The following BFSP1 variants were observed in gnomAD, a reference collection of about 807,000 sequenced individuals.
BFSP1 encodes beaded filament structural protein 1, also known as filensin.
In BFSP1, 38 loss-of-function variants were observed where a neutral mutation model predicts 43.9. That is an observed-to-expected ratio of 0.87 (90% CI 0.67 to 1.14). The LOEUF (loss-of-function observed/expected upper bound fraction) is 1.14, where lower values mean the gene tolerates loss of function less well. BFSP1 is among the 50% of genes most tolerant of loss of function. BFSP1 has a pLI of 0.00. For missense variants in BFSP1, 850 were observed against 875.1 expected (o/e 0.97, Z 0.36); for synonymous variants, 352 against 354.8 (o/e 0.99, Z 0.09).
rs542678591 is a variant in BFSP1 at position 17,545,922 on chromosome 20, G to A, written c.2+12766C>T. On this transcript the variant is annotated intron_variant, in intron 1 of 7. Transcript: ENST00000377868. ...GAAAAACTTGAAACAAAAATGGTGT[G>A]TTCCTCCTCTTGCTTTCTGAAAATG... 2.0e-5 allele frequency among the ~76,000 whole-genome samples: 3 copies of A among 152,326 alleles called. No homozygotes were observed. The South Asian group carries it at 6.2e-4, about 32-fold the overall frequency.
chr20:17,545,511 C>A (rs2034785172), intron 1 of BFSP1, among the ~76,000 whole-genome samples: 1 of 152,244 alleles, frequency 6.6e-6, no homozygotes, highest in South Asian at 2.1e-4. Context: ...GTAATCCCAA[C>A]ACTTTGAAAG....
At chr20:17,547,637 G>C (rs2034825014) in intron 1 of BFSP1, among the ~76,000 whole-genome samples, 1 of 152,108 alleles carries the variant, frequency 6.6e-6, no homozygotes, top group South Asian at 2.1e-4. Flanking sequence ...ATGGCATTTG[G>C]AATCTAAGTG....
At chr20:17,495,468 A>G (rs1342741152) in intron 7 of BFSP1, among the ~76,000 whole-genome samples, 1 of 152,166 alleles carries the variant, frequency 6.6e-6, no homozygotes, top group Admixed American at 6.5e-5. Flanking sequence ...ACTTCCTCAA[A>G]GGAGAGACGA....
intron 1 of BFSP1, among the ~76,000 whole-genome samples, chr20:17,541,436 A>G (rs1019597463): frequency 3.9e-5 from 6 of 152,108 alleles, no homozygotes; most frequent in African/African-American, 1.4e-4. Context: ...CAAAATTGAA[A>G]TTTACTTTGC....
At chr20:17,500,191 G>A (rs1186070134) in intron 5 of BFSP1, among the ~76,000 whole-genome samples, 1 of 152,186 alleles carries the variant, frequency 6.6e-6, no homozygotes, top group Non-Finnish European at 1.5e-5. Flanking sequence ...GTGTGCCCTT[G>A]TGTACACATA....
At chr20:17,506,292 C>A (rs899559759) in intron 5 of BFSP1, among the ~76,000 whole-genome samples, 3 of 151,868 alleles carry the variant, frequency 2.0e-5, no homozygotes, top group African/African-American at 7.3e-5. Context: ...TTCTTTCTAC[C>A]TTTTGAGACC....
At chr20:17,540,046 G>A (rs971254331) in intron 1 of BFSP1, among the ~76,000 whole-genome samples, 2 of 152,026 alleles carry the variant, frequency 1.3e-5, no homozygotes, top group Admixed American at 6.5e-5. Context: ...GCCCCTCAAC[G>A]GCCCCTCAGA....
chr20:17,532,907 A>G (rs1273586461), upstream of BFSP1, among the ~76,000 whole-genome samples: 2 of 152,162 alleles, frequency 1.3e-5, no homozygotes, highest in Non-Finnish European at 2.9e-5. Flanking sequence ...GTTATCAAAG[A>G]TAGAGAAAGA....
chr20:17,499,390 C>T (rs1017379077), intron 5 of BFSP1, among the ~76,000 whole-genome samples: 2 of 150,008 alleles, frequency 1.3e-5, no homozygotes, highest in Non-Finnish European at 3.0e-5. Flanking sequence ...CAGGCAAGCA[C>T]CAACATGCTG....
At position 17,499,005 on chromosome 20, in the gene BFSP1, A is replaced by G; in HGVS notation, c.771T>C (p.His257=). ...GCTGAATCTCATCGTCATAACACTCATGGGCACTTTTAATAGCTTGTTCCA... is the reference window on the plus strand; with the variant it reads ...GCTGAATCTCATCGTCATAACACTCGTGGGCACTTTTAATAGCTTGTTCCA... ...TTLEQAIKSA[H]ECYDDEIQLY... is the part of the protein sequence containing the mutation. Residue 257 remains histidine (H), a synonymous_variant, in exon 6 of 8, where the codon CAT becomes CAC. Coordinates refer to ENST00000377873, the MANE Select transcript of BFSP1 (RefSeq NM_001195.5). 2 of 1,614,130 alleles carry G rather than the reference A, an allele frequency of 1.2e-6. No individual in the cohort carries two copies. Among genetic ancestry groups the G allele is most frequent in the South Asian group, 2.2e-5 (2 of 91,078 alleles).
At chr20:17,496,916 G>T in intron 7 of BFSP1, 22 bp downstream of exon 7, 1 of 1,501,058 alleles carries the variant, frequency 6.7e-7, no homozygotes, top group Non-Finnish European at 8.9e-7. Context: ...AAAAACAGAA[G>T]TCCAGTGTTG....
At chr20:17,551,410 G>A (rs189903419) in intron 1 of BFSP1, among the ~76,000 whole-genome samples, 17 of 152,226 alleles carry the variant, frequency 1.1e-4, no homozygotes, top group East Asian at 7.7e-4. Flanking sequence ...GCGCTAAGCC[G>A]TTTATGAGTG....
At chr20:17,553,810 C>CACATATATATAT (rs2034936597) in intron 1 of BFSP1, among the ~76,000 whole-genome samples, 1 of 111,898 alleles carries the variant, frequency 8.9e-6, no homozygotes, top group African/African-American at 4.4e-5. Flanking sequence ...CACACACACA[C>CACATATATATAT]ACACACACAC....
chr20:17,566,524 T>C (rs1042953610), intron 1 of BFSP1, among the ~76,000 whole-genome samples: 12 of 152,326 alleles, frequency 7.9e-5, no homozygotes, highest in East Asian at 3.9e-4. Flanking sequence ...TTACTTCTCA[T>C]AGTTCTGGAG....
At chr20:17,522,814 T>C (rs947100510) in intron 2 of BFSP1, among the ~76,000 whole-genome samples, 1 of 152,216 alleles carries the variant, frequency 6.6e-6, no homozygotes, top group Non-Finnish European at 1.5e-5. Context: ...AGTATTGTGA[T>C]TCCATTTCAC....
chr20:17,566,540 G>A (rs1257812392), intron 1 of BFSP1, among the ~76,000 whole-genome samples: 1 of 152,220 alleles, frequency 6.6e-6, no homozygotes, highest in African/African-American at 2.4e-5. Context: ...TGGAGGCTGT[G>A]AAGTCCAAGA....
chr20:17,524,936 T>C, intron 1 of BFSP1, 28 bp from the exon 2 acceptor site: 3 of 1,586,400 alleles, frequency 1.9e-6, no homozygotes, highest in Non-Finnish European at 2.6e-6. Flanking sequence ...AAGTGAGAGT[T>C]GGGTAACTAC....
intron 1 of BFSP1, among the ~76,000 whole-genome samples, chr20:17,568,108 G>A (rs947976222): frequency 7.2e-5 from 11 of 152,110 alleles, no homozygotes; most frequent in Non-Finnish European, 1.2e-4. Context: ...GGAATGAGAA[G>A]TTTCGTCTGG....
At chr20:17,529,364 C>A (rs1180658250) in intron 1 of BFSP1, among the ~76,000 whole-genome samples, 1 of 152,234 alleles carries the variant, frequency 6.6e-6, no homozygotes, top group African/African-American at 2.4e-5. Flanking sequence ...GCGTGAGCCA[C>A]TGCACCCAGC....
Sources: allele counts gnomAD v4.1 joint callset (sites outside exome capture counted in the v4.1 genomes callset), GRCh38; gene constraint gnomAD v4.1.1; transcripts MANE v1.5; gene names NCBI Gene and HGNC (gene_info 2026-07-23, HGNC 2026-07-21).